The following PI4K2B variants were observed in gnomAD, a reference collection of about 807,000 sequenced individuals.
The protein encoded by PI4K2B is phosphatidylinositol 4-kinase type 2 beta.
A neutral mutation model predicts 56.6 loss-of-function variants in PI4K2B; 46 were observed. The observed-to-expected ratio is 0.81, with a 90% CI of 0.64 to 1.04. PI4K2B has a LOEUF of 1.04. Ranked by LOEUF, PI4K2B falls within the 50% of genes least tolerant of loss-of-function variation. The pLI is 0.00. For synonymous variants in PI4K2B, 211 were observed against 223.8 expected, an observed-to-expected ratio of 0.94 and a Z score of 0.51; for missense variants, 556 against 607.7, an observed-to-expected ratio of 0.91 and a Z score of 0.89.
chr4:25,268,001 C>A, intron 7 of PI4K2B: 1 of 280,464 alleles, frequency 3.6e-6, no homozygotes, highest in Non-Finnish European at 5.4e-6. Context: ...TGGGAGAATC[C>A]CTTGAGTCCA....
chr4:25,256,004 G>C (rs982717606), intron 3 of PI4K2B, among the ~76,000 whole-genome samples: 2 of 147,894 alleles, frequency 1.4e-5, no homozygotes, highest in African/African-American at 5.0e-5. Flanking sequence ...CTGCAGCCTT[G>C]TCCTGCTGGG....
chr4:25,252,631 C>T (rs11940599), intron 2 of PI4K2B, among the ~76,000 whole-genome samples, 156 bp downstream of exon 2: 11,271 of 152,060 alleles, frequency 0.074, 477 homozygotes, highest in South Asian at 0.13. Flanking sequence ...TTTTTTGAGA[C>T]GCCCGGGGTC....
intron 2 of PI4K2B, among the ~76,000 whole-genome samples, chr4:25,253,916 C>T (rs114747146): frequency 0.027 from 4,034 of 152,190 alleles, 76 homozygotes; most frequent in African/African-American, 0.049. Context: ...GGATTACAGG[C>T]GCTCGCCACC....
intron 6 of PI4K2B, among the ~76,000 whole-genome samples, chr4:25,260,858 C>T: frequency 7.9e-6 from 1 of 127,142 alleles, no homozygotes; most frequent in African/African-American, 3.0e-5. Flanking sequence ...CGTTGCATTT[C>T]TTGATTCTTG....
intron 9 of PI4K2B, among the ~76,000 whole-genome samples, chr4:25,273,411 A>G (rs1021212593): frequency 1.3e-5 from 2 of 152,238 alleles, no homozygotes; most frequent in Non-Finnish European, 2.9e-5. Context: ...ACTCATTTAC[A>G]GATTCAATAA....
chr4:25,255,500 A>G (rs1716231794), intron 3 of PI4K2B, among the ~76,000 whole-genome samples: 1 of 152,236 alleles, frequency 6.6e-6, no homozygotes, highest in South Asian at 2.1e-4. Flanking sequence ...AAAAGAGGAT[A>G]AAGAACTAGC....
chr4:25,269,992 A>G (rs1433661967), intron 9 of PI4K2B, among the ~76,000 whole-genome samples: 1 of 152,136 alleles, frequency 6.6e-6, no homozygotes, highest in East Asian at 1.9e-4. Flanking sequence ...CTGGCATCAC[A>G]GGCGTGAGCC....
chr4:25,234,895 T>G (rs1453910898), intron 1 of PI4K2B, among the ~76,000 whole-genome samples: 3 of 152,176 alleles, frequency 2.0e-5, no homozygotes, highest in Non-Finnish European at 4.4e-5. Context: ...TTCAAAACCT[T>G]TTTCTATTAA....
rs376270945 is a variant in PI4K2B, at chr4:25,269,554, G to A, written c.1272+351G>A. ...CTTGGGAGGCTGCAGCAGGAGAATC[G>A]CTTGAACTCGGGAGGCAGAGGTTGC... On this transcript the variant is annotated intron_variant, in intron 9 of 9. Coordinates refer to ENST00000264864, the MANE Select transcript of PI4K2B (RefSeq NM_018323.4). Among the ~76,000 whole-genome samples, 35 of 151,068 alleles carry A rather than the reference G, an allele frequency of 2.3e-4. No homozygotes were observed. In the South Asian group the frequency reaches 3.4e-3, roughly 15 times the overall value.
At chr4:25,254,135 G>A (rs745725157) in intron 2 of PI4K2B, among the ~76,000 whole-genome samples, 2 of 152,182 alleles carry the variant, frequency 1.3e-5, no homozygotes, top group Non-Finnish European at 2.9e-5. Flanking sequence ...CAGCATGGAT[G>A]TACACTGTAT....
chr4:25,276,968 G>A (rs1348058598), intron 9 of PI4K2B, 46 bp from the exon 10 acceptor site: 5 of 1,474,092 alleles, frequency 3.4e-6, no homozygotes, highest in Non-Finnish European at 4.5e-6. Context: ...GTGAAGTGAA[G>A]CTTTTTATCT....
At chr4:25,246,167 A>C (rs2109089786) in intron 1 of PI4K2B, among the ~76,000 whole-genome samples, 1 of 152,200 alleles carries the variant, frequency 6.6e-6, no homozygotes, top group East Asian at 1.9e-4. Context: ...CAGCAGCAAG[A>C]TTTATTGCAA....
intron 1 of PI4K2B, among the ~76,000 whole-genome samples, chr4:25,244,599 A>G (rs982500525): frequency 6.6e-6 from 1 of 152,120 alleles, no homozygotes; most frequent in African/African-American, 2.4e-5. Context: ...TTCAGGGTTT[A>G]TGGGTCAAAT....
chr4:25,252,188 A>C, intron 1 of PI4K2B, 133 bp from the exon 2 acceptor site: 1 of 491,486 alleles, frequency 2.0e-6, no homozygotes. Flanking sequence ...AGTGGGGGGA[A>C]GGAGGATTAG....
intron 1 of PI4K2B, among the ~76,000 whole-genome samples, chr4:25,235,641 A>G (rs529061417): frequency 1.3e-5 from 2 of 152,252 alleles, no homozygotes; most frequent in Non-Finnish European, 2.9e-5. Context: ...AAACCAGATC[A>G]CAAACGGGTC....
In PI4K2B at chr4:25,277,097, T is replaced by C. The variant is rs115251122; in HGVS notation, c.1356T>C (p.Ser452=). 9.3e-5 allele frequency: 150 copies of C among 1,613,900 alleles called. No homozygotes were observed. In the East Asian group the frequency reaches 3.3e-3, roughly 36 times the overall value. ...TACCTTGTGTGATTGTGGAACGCAGTCAAGGTGGAAGTCAGGGTCGGATTG... is the reference window on the plus strand; with the variant it reads ...TACCTTGTGTGATTGTGGAACGCAGCCAAGGTGGAAGTCAGGGTCGGATTG... The part of the protein sequence containing the change: ...VQIPCVIVER[S]QGGSQGRIVH... Residue 452 remains serine (S), a synonymous_variant, in exon 10 of 10, where the codon AGT becomes AGC. Coordinates refer to ENST00000264864, the MANE Select transcript of PI4K2B (RefSeq NM_018323.4).
chr4:25,245,922 G>A lies in PI4K2B; in HGVS notation c.269-6399G>A, dbSNP rs540533429. 1.2e-4 allele frequency among the ~76,000 whole-genome samples: 19 copies of A among 152,214 alleles called. No individual in the cohort carries two copies. The South Asian group carries it at 1.5e-3, about 12-fold the overall frequency. On this transcript the variant is annotated intron_variant, in intron 1 of 9. Transcript: ENST00000264864. ...CCATCTGGGTCATCAAAATGTGTCC[G>A]GAATTGGTGGGTTCTTGGTCTCACT...
At chr4:25,270,058 C>T (rs1716822091) in intron 9 of PI4K2B, among the ~76,000 whole-genome samples, 2 of 152,296 alleles carry the variant, frequency 1.3e-5, no homozygotes, top group African/African-American at 2.4e-5. Context: ...GTTTATTTAG[C>T]TCAGTGTTTC....
chr4:25,267,045 A>T (rs374594640), intron 7 of PI4K2B, among the ~76,000 whole-genome samples: 9 of 152,366 alleles, frequency 5.9e-5, no homozygotes, highest in African/African-American at 2.2e-4. Flanking sequence ...AGGTAAACTT[A>T]GAGTGGTATC....
Sources: allele counts gnomAD v4.1 joint callset (sites outside exome capture counted in the v4.1 genomes callset), GRCh38; gene constraint gnomAD v4.1.1; transcripts MANE v1.5; gene names NCBI Gene and HGNC (gene_info 2026-07-23, HGNC 2026-07-21).